The following SNX29 variants were observed in gnomAD, a reference collection of about 807,000 sequenced individuals.
SNX29 encodes the protein sorting nexin-29.
In SNX29, 78 loss-of-function variants were observed where a neutral mutation model predicts 102.1. The observed-to-expected ratio is 0.76, with a 90% CI of 0.64 to 0.92. SNX29 has a LOEUF of 0.92. Ranked by LOEUF, SNX29 falls within the 40% of genes least tolerant of loss-of-function variation. The pLI is 0.00. For synonymous variants in SNX29, 580 were observed against 414.5 expected, an observed-to-expected ratio of 1.40 and a Z score of -4.85; for missense variants, 1,280 against 1,061.7, an observed-to-expected ratio of 1.21 and a Z score of -2.86.
intron 19 of SNX29, among the ~76,000 whole-genome samples, chr16:12,484,046 C>T (rs146874403): frequency 5.0e-4 from 76 of 152,336 alleles, no homozygotes; most frequent in African/African-American, 1.8e-3. Context: ...AGCACAGCTT[C>T]ACCCATCCAA....
chr16:12,412,669 G>A (rs2084451166), intron 18 of SNX29, among the ~76,000 whole-genome samples: 1 of 152,202 alleles, frequency 6.6e-6, no homozygotes, highest in Non-Finnish European at 1.5e-5. Context: ...GCATACGTGT[G>A]CATGTGTTTT....
At chr16:12,546,588 C>G (rs1490282165) in intron 20 of SNX29, 6 of 152,140 alleles carry the variant, frequency 3.9e-5, no homozygotes, top group African/African-American at 1.2e-4. Context: ...TGTCCCCACC[C>G]AAGGATAATA....
rs1235730528 is a variant in SNX29, at chr16:12,433,630, C to CAAAAAAAAA, written c.2037+30113_2037+30121dup. Among the ~76,000 whole-genome samples, 12 of 55,342 alleles carry CAAAAAAAAA rather than the reference C, an allele frequency of 2.2e-4. No homozygotes were observed. In the East Asian group the frequency reaches 3.2e-3, roughly 15 times the overall value. The allele number at this position is 55,342 out of a possible 152,430, so 36.3% of individuals were successfully genotyped here. ...TGGGCAACAGAGCAAGACTGCGTCT[C>CAAAAAAAAA]AAAAAAAAAAAAAAAAAAAAGGAAA... On this transcript the variant is annotated intron_variant, in intron 18 of 20. Transcript: ENST00000566228.
chr16:12,538,978 G>T (rs2077201755), intron 20 of SNX29, among the ~76,000 whole-genome samples: 1 of 152,162 alleles, frequency 6.6e-6, no homozygotes. Context: ...ATATAAATAG[G>T]GAGAAGATAG....
intron 14 of SNX29, among the ~76,000 whole-genome samples, chr16:12,242,718 A>T (rs946046746): frequency 6.6e-6 from 1 of 151,140 alleles, no homozygotes; most frequent in Non-Finnish European, 1.5e-5. Context: ...CAATGACGCA[A>T]TCACAGCTCA....
chr16:12,300,636 G>C (rs1444342457), intron 15 of SNX29, among the ~76,000 whole-genome samples: 4 of 152,196 alleles, frequency 2.6e-5, no homozygotes, highest in Non-Finnish European at 5.9e-5. Context: ...ACAAGCTGTT[G>C]AGAAAAACCA....
intron 20 of SNX29, among the ~76,000 whole-genome samples, chr16:12,541,363 C>G (rs924567046): frequency 6.6e-6 from 1 of 152,138 alleles, no homozygotes; most frequent in African/African-American, 2.4e-5. Flanking sequence ...TCACAGAATT[C>G]CCTATGAGGG....
chr16:12,155,659 A>G (rs903066462), intron 13 of SNX29, among the ~76,000 whole-genome samples: 1 of 152,116 alleles, frequency 6.6e-6, no homozygotes, highest in Non-Finnish European at 1.5e-5. Flanking sequence ...GTTTGAGTAG[A>G]GGGTGGTGGC....
Position 12,057,978 on chromosome 16 carries a change from C to T in SNX29, c.1125-3550C>T, listed in dbSNP as rs1037967253. On this transcript the variant is annotated intron_variant, in intron 8 of 20. Transcript: ENST00000566228. The stretch of plus-strand genomic sequence containing the variant: ...GATTATAGGTGACCACCACCACTCC[C>T]GGTTAATTTTTTGTATTTTTAGTAG... Among the ~76,000 whole-genome samples the T allele has an allele frequency of 4.6e-5, 7 of 151,904 alleles. No homozygotes were observed. The East Asian group carries it at 1.2e-3, about 25-fold the overall frequency.
At chr16:12,542,104 C>G (rs532193179) in intron 20 of SNX29, among the ~76,000 whole-genome samples, 1 of 152,116 alleles carries the variant, frequency 6.6e-6, no homozygotes, top group Non-Finnish European at 1.5e-5. Context: ...CTCTTCCCAA[C>G]GGATCCCTAA....
At chr16:12,375,016 A>G (rs1167320501) in intron 16 of SNX29, 5 of 152,240 alleles carry the variant, frequency 3.3e-5, no homozygotes, top group Admixed American at 1.3e-4. Flanking sequence ...CAGGAGCTCC[A>G]GACTAGCCTG....
chr16:12,125,080 C>G (rs2054147466), intron 11 of SNX29, among the ~76,000 whole-genome samples: 1 of 152,122 alleles, frequency 6.6e-6, no homozygotes, highest in South Asian at 2.1e-4. Context: ...TCGTGTGTGT[C>G]ACTCGTACTT....
intron 18 of SNX29, among the ~76,000 whole-genome samples, chr16:12,410,217 A>C (rs1199246940): frequency 6.6e-6 from 1 of 152,014 alleles, no homozygotes; most frequent in African/African-American, 2.4e-5. Context: ...GGTGGTCTTG[A>C]TCTTCTGACC....
intron 19 of SNX29, among the ~76,000 whole-genome samples, chr16:12,512,708 C>G (rs1283245026): frequency 6.6e-6 from 1 of 152,016 alleles, no homozygotes. Flanking sequence ...GAACCATAGA[C>G]CGTCCGTGCT....
chr16:12,457,453 C>T (rs1347058632), intron 18 of SNX29, among the ~76,000 whole-genome samples: 8 of 152,202 alleles, frequency 5.3e-5, no homozygotes, highest in Admixed American at 2.6e-4. Context: ...TGCAGAGATA[C>T]GGCAGGTCTC....
Position 12,572,118 on chromosome 16 carries a change from C to T in SNX29, c.*3489C>T, listed in dbSNP as rs188899090. On this transcript the variant is annotated 3_prime_UTR_variant, in exon 21 of 21. Coordinates refer to ENST00000566228, the MANE Select transcript of SNX29 (RefSeq NM_032167.5). ...ATGTGGACTGGGTCTGATCACAGCC[C>T]TTGGCCCTGCTTCATACTTTGGAGC... 4.8e-3 allele frequency: 5,000 copies of T among 1,037,220 alleles called. 18 individuals are homozygous for T. The highest frequency in any genetic ancestry group is 8.1e-3 in the South Asian group (173 of 21,394). The allele number at this position is 1,037,220 out of a possible 1,614,324, so 64.3% of individuals were successfully genotyped here.
chr16:12,550,394 G>A (rs1399129131), intron 20 of SNX29, among the ~76,000 whole-genome samples: 1 of 152,078 alleles, frequency 6.6e-6, no homozygotes, highest in Non-Finnish European at 1.5e-5. Context: ...AATTAGCCAG[G>A]CATGGTGGTG....
At chr16:12,489,205 G>C (rs1469812644) in intron 19 of SNX29, among the ~76,000 whole-genome samples, 2 of 151,820 alleles carry the variant, frequency 1.3e-5, no homozygotes, top group African/African-American at 4.8e-5. Context: ...ATTAATATTT[G>C]AGAACTTCAA....
rs1026517340 is a variant in SNX29, at chr16:12,572,243, G to A, written c.*3614G>A. 2 of 1,045,924 alleles carry A rather than the reference G, an allele frequency of 1.9e-6. No individual in the cohort carries two copies. Among genetic ancestry groups the A allele is most frequent in the Non-Finnish European group, 2.3e-6 (2 of 862,182 alleles). 64.8% of individuals were successfully genotyped at this position (1,045,924 alleles called of 1,614,324 possible). A position where few individuals can be genotyped will look rare whatever the true frequency, so the allele number is the denominator to read the frequency against. On this transcript the variant is annotated 3_prime_UTR_variant, in exon 21 of 21. Coordinates refer to ENST00000566228, the MANE Select transcript of SNX29 (RefSeq NM_032167.5). ...GGCTCCTGAAAGTCGTTTACACCAGGTGGATTGATACCATGGCTGTAGCTG... is the reference window on the plus strand; with the variant it reads ...GGCTCCTGAAAGTCGTTTACACCAGATGGATTGATACCATGGCTGTAGCTG...
Sources: gnomAD v4.1 joint callset for allele counts (sites outside exome capture counted in the v4.1 genomes callset) on GRCh38, gnomAD v4.1.1 for gene constraint, MANE v1.5 for transcripts, NCBI Gene and HGNC (gene_info 2026-07-23, HGNC 2026-07-21) for gene names.